The following GABRB1 variants were observed in gnomAD, a reference collection of about 807,000 sequenced individuals.
GABRB1 encodes gamma-aminobutyric acid receptor subunit beta-1.
A neutral mutation model predicts 51.6 loss-of-function variants in GABRB1; 17 were observed. The ratio of observed to expected loss-of-function variants is 0.33; its 90% CI spans 0.23 to 0.49. The LOEUF (loss-of-function observed/expected upper bound fraction) is 0.49. GABRB1 is among the 20% of genes least tolerant of loss of function. GABRB1 has a pLI of 0.99. For missense variants in GABRB1, 410 were observed against 600.6 expected, an observed-to-expected ratio of 0.68 and a Z score of 3.32; for synonymous variants, 247 against 218.9, an observed-to-expected ratio of 1.13 and a Z score of -1.14.
At chr4:47,328,570 T>C (rs1378172788) in intron 5 of GABRB1, among the ~76,000 whole-genome samples, 1 of 152,178 alleles carries the variant, frequency 6.6e-6, no homozygotes, top group Non-Finnish European at 1.5e-5. Context: ...GTATTCACAA[T>C]GGAATACTAT....
intron 4 of GABRB1, among the ~76,000 whole-genome samples, chr4:47,216,686 C>T (rs892265457): frequency 6.6e-6 from 1 of 151,846 alleles, no homozygotes; most frequent in Non-Finnish European, 1.5e-5. Flanking sequence ...TGGGGGAGCT[C>T]TATTTCATAT....
At chr4:47,409,575 G>A (rs1279246406) in intron 8 of GABRB1, among the ~76,000 whole-genome samples, 1 of 152,124 alleles carries the variant, frequency 6.6e-6, no homozygotes, top group Non-Finnish European at 1.5e-5. Flanking sequence ...AGGATTCGGG[G>A]TTTATATGGG....
At chr4:47,061,015 A>G (rs1393358118) in intron 3 of GABRB1, among the ~76,000 whole-genome samples, 1 of 152,208 alleles carries the variant, frequency 6.6e-6, no homozygotes, top group Non-Finnish European at 1.5e-5. Context: ...CTATTCTATC[A>G]TTATGAAACA....
intron 1 of GABRB1, among the ~76,000 whole-genome samples, chr4:46,994,796 A>G (rs1723932569): frequency 1.3e-5 from 2 of 152,234 alleles, no homozygotes. Context: ...ATACCTTGGA[A>G]CCAAACACCA....
chr4:47,355,602 G>A (rs1726537956), intron 5 of GABRB1, among the ~76,000 whole-genome samples: 1 of 152,166 alleles, frequency 6.6e-6, no homozygotes, highest in Admixed American at 6.5e-5. Context: ...GCAATACATT[G>A]CTTTTTATGG....
intron 5 of GABRB1, among the ~76,000 whole-genome samples, chr4:47,327,279 C>T (rs570557423): frequency 1.3e-5 from 2 of 151,168 alleles, no homozygotes; most frequent in South Asian, 4.2e-4. Flanking sequence ...TCACTTGACT[C>T]CAGGAGTTTG....
intron 5 of GABRB1, among the ~76,000 whole-genome samples, chr4:47,398,549 C>CAT (rs34617428): frequency 0.21 from 32,466 of 151,180 alleles, 3,680 homozygotes; most frequent in Middle Eastern, 0.33. Flanking sequence ...AATATCTTCT[C>CAT]ATATATATAG....
intron 5 of GABRB1, among the ~76,000 whole-genome samples, chr4:47,352,964 C>A (rs927616041): frequency 5.9e-5 from 9 of 152,266 alleles, no homozygotes; most frequent in Admixed American, 5.2e-4. Context: ...ACTGGGAAGA[C>A]AAAGAGGTTT....
chr4:47,252,507 CTT>C (rs34442754), intron 4 of GABRB1, among the ~76,000 whole-genome samples: 4 of 116,330 alleles, frequency 3.4e-5, no homozygotes, highest in African/African-American at 3.4e-5. Flanking sequence ...TAGCAATTGC[CTT>C]TTTTTTTTTT....
At chr4:47,208,830 T>C (rs1420753649) in intron 4 of GABRB1, among the ~76,000 whole-genome samples, 9 of 152,154 alleles carry the variant, frequency 5.9e-5, no homozygotes, top group African/African-American at 2.2e-4. Context: ...TGGGTCCATC[T>C]GAGAAGACAG....
In GABRB1 at chr4:47,242,892, T is replaced by G. The variant is rs181551071; in HGVS notation, c.462-77235T>G. On this transcript the variant is annotated intron_variant, in intron 4 of 8. Transcript: ENST00000295454. Reference sequence around the variant, plus strand: ...CTGTGCAGAAGCTCTTTAGTTTAATTAGATCCCATTTGTCAATTTCGGCTT... The same window carrying G: ...CTGTGCAGAAGCTCTTTAGTTTAATGAGATCCCATTTGTCAATTTCGGCTT... Among the ~76,000 whole-genome samples, 60 of 152,354 alleles carry G rather than the reference T, an allele frequency of 3.9e-4. 1 individual carries two copies. Among genetic ancestry groups the G allele is most frequent in the African/African-American group, 1.1e-3 (46 of 41,590 alleles).
intron 8 of GABRB1, among the ~76,000 whole-genome samples, chr4:47,412,386 G>A (rs1250654436): frequency 2.0e-5 from 3 of 151,982 alleles, no homozygotes; most frequent in African/African-American, 2.4e-5. Flanking sequence ...TATAAAACTC[G>A]TACATATTCA....
At chr4:47,131,217 T>A (rs1251840227) in intron 3 of GABRB1, among the ~76,000 whole-genome samples, 1 of 152,120 alleles carries the variant, frequency 6.6e-6, no homozygotes, top group Non-Finnish European at 1.5e-5. Flanking sequence ...TGGAGTGCAG[T>A]GGCGCAATCT....
At chr4:47,067,433 C>G (rs1008712644) in intron 3 of GABRB1, among the ~76,000 whole-genome samples, 1 of 152,158 alleles carries the variant, frequency 6.6e-6, no homozygotes, top group Non-Finnish European at 1.5e-5. Flanking sequence ...TCATCTTCTT[C>G]CAATAGAAGG....
chr4:47,279,507 A>G (rs1036755448), intron 4 of GABRB1, among the ~76,000 whole-genome samples: 1 of 152,182 alleles, frequency 6.6e-6, no homozygotes, highest in Non-Finnish European at 1.5e-5. Flanking sequence ...TTTGAAAACC[A>G]TTAATAGGGA....
At chr4:47,409,440 G>A (rs962259923) in intron 8 of GABRB1, among the ~76,000 whole-genome samples, 4 of 152,144 alleles carry the variant, frequency 2.6e-5, no homozygotes, top group Admixed American at 6.5e-5. Flanking sequence ...GCCATCCCGC[G>A]GCCATCTCTC....
intron 4 of GABRB1, among the ~76,000 whole-genome samples, chr4:47,195,804 A>G (rs913404532): frequency 3.3e-5 from 5 of 152,228 alleles, no homozygotes; most frequent in Admixed American, 6.5e-5. Context: ...AATTCTCTTG[A>G]TTTTTCTACT....
intron 4 of GABRB1, among the ~76,000 whole-genome samples, chr4:47,182,654 T>C (rs1252453803): frequency 1.3e-5 from 2 of 151,948 alleles, no homozygotes; most frequent in African/African-American, 4.8e-5. Context: ...TTAACTTACT[T>C]CTTCTCATCC....
At chr4:47,128,352 A>G (rs1044530430) in intron 3 of GABRB1, among the ~76,000 whole-genome samples, 1 of 151,898 alleles carries the variant, frequency 6.6e-6, no homozygotes, top group Non-Finnish European at 1.5e-5. Flanking sequence ...ATTAAACCAA[A>G]TTAAGTATGA....
Sources: gnomAD v4.1 joint callset for allele counts (sites outside exome capture counted in the v4.1 genomes callset) on GRCh38, gnomAD v4.1.1 for gene constraint, MANE v1.5 for transcripts, NCBI Gene and HGNC (gene_info 2026-07-23, HGNC 2026-07-21) for gene names.